The following CRAMP1 variants were observed in gnomAD, a reference collection of about 807,000 sequenced individuals.
CRAMP1 encodes cramped chromatin regulator 1, also known as protein cramped-like.
Under a neutral mutation model 115.4 loss-of-function variants are expected in CRAMP1, and 50 were observed. The observed-to-expected ratio is 0.43, with a 90% CI of 0.35 to 0.55. CRAMP1 has a LOEUF of 0.55. Among genes scored for constraint, CRAMP1 ranks in the 20% least tolerant of loss-of-function variants. The pLI, the probability that CRAMP1 is intolerant of heterozygous loss-of-function variation, is 0.01. For synonymous variants in CRAMP1, 866 were observed against 745.4 expected (o/e 1.16, Z -2.64); for missense variants, 1,679 against 1,721.7 (o/e 0.98, Z 0.44).
In CRAMP1 at chr16:1,655,297, A is replaced by C. The variant is rs776141515; in HGVS notation, c.1116A>C (p.Arg372=). ...LKQKWALHEV[R]VRKTLEERQL... is the part of the protein sequence containing the mutation. Reference sequence around the variant, plus strand: ...AGAAGTGGGCGCTCCATGAGGTGCGAGTTGTATCCTTTTCCAGCTAAAGCA... The same window carrying C: ...AGAAGTGGGCGCTCCATGAGGTGCGCGTTGTATCCTTTTCCAGCTAAAGCA... The change falls in exon 9 of 21, where the codon CGA becomes CGC. Residue 372 remains arginine (R), a synonymous_variant. Transcript: ENST00000397412. The C allele has an allele frequency of 6.2e-7, 1 of 1,613,614 alleles. No individual in the cohort carries two copies. Among genetic ancestry groups the C allele is most frequent in the Non-Finnish European group, 8.5e-7 (1 of 1,179,544 alleles).
At position 1,655,208 on chromosome 16, in the gene CRAMP1, C is replaced by A; in HGVS notation, c.1038-11C>A. ...GCGAACCTCACTTCCTCCTGTCTGT[C>A]GTCTCCGTAGGATGATCGTGGAGCT... On this transcript the variant is annotated splice_polypyrimidine_tract_variant and intron_variant, in intron 8 of 20. Transcript: ENST00000397412. The A allele has an allele frequency of 6.2e-7, 1 of 1,611,326 alleles. No homozygotes were observed. Among genetic ancestry groups the A allele is most frequent in the Non-Finnish European group, 8.5e-7 (1 of 1,177,418 alleles).
At position 1,612,659 on chromosome 16, in the gene CRAMP1, T is replaced by C. The variant is rs1162468575; in HGVS notation, c.-2+2T>C. On this transcript the variant is annotated splice_donor_variant, in intron 1 of 20. Coordinates refer to ENST00000397412, the MANE Select transcript of CRAMP1 (RefSeq NM_020825.4). LOFTEE classifies it low-confidence loss of function (5UTR_SPLICE). ...TGCCGCCCGGCGTTGATGAAAAAGG[T>C]GACCAAGGCTGGGCGGCGGGGCTGT... 2.0e-5 allele frequency among the ~76,000 whole-genome samples: 3 copies of C among 151,302 alleles called. No homozygotes were observed. Among genetic ancestry groups the C allele is most frequent in the African/African-American group, 7.3e-5 (3 of 41,152 alleles).
In CRAMP1 at chr16:1,614,776, A is replaced by C. The variant is rs1326855765; in HGVS notation, c.137A>C (p.Lys46Thr). 1.5e-6 allele frequency: 2 copies of C among 1,355,552 alleles called. No homozygotes were observed. Among genetic ancestry groups the C allele is most frequent in the Non-Finnish European group, 9.6e-7 (1 of 1,043,288 alleles). The allele number at this position is 1,355,552 out of a possible 1,614,324, so 84.0% of individuals were successfully genotyped here. A position where few individuals can be genotyped will look rare whatever the true frequency, so the allele number is the denominator to read the frequency against. Residue 46 changes from lysine to threonine, a missense_variant, in exon 2 of 21, where the codon AAG (lysine) becomes ACG (threonine). This residue lies in a region of CRAMP1 where 264 missense variants were observed against 229.7 expected (regional missense o/e 1.15). Coordinates refer to ENST00000397412, the MANE Select transcript of CRAMP1 (RefSeq NM_020825.4). The surrounding 1 kb of genome is among the most constrained non-coding windows in gnomAD (Gnocchi z 4.4). The stretch of plus-strand genomic sequence containing the variant: ...GCGGCCGAGGAGAGCAGCGGCACAA[A>C]GAGGGACGAGAAGACCCCCCGGGCC... Reference protein sequence around the residue: ...ADAAEESSGTKRDEKTPRAGA... With the variant: ...ADAAEESSGTTRDEKTPRAGA...
chr16:1,673,304 T>TC (rs2036937853), intron 20 of CRAMP1, among the ~76,000 whole-genome samples: 2 of 146,718 alleles, frequency 1.4e-5, no homozygotes, highest in South Asian at 2.2e-4. Context: ...TCCTCATGTC[T>TC]ATGACAGGAA....
intron 19 of CRAMP1, 69 bp from the exon 20 acceptor site, chr16:1,670,595 G>A: frequency 7.0e-6 from 11 of 1,563,266 alleles, no homozygotes; most frequent in Non-Finnish European, 6.1e-6. Flanking sequence ...CCAGCCTCAG[G>A]ACCCTTCCGC....
At position 1,655,282 on chromosome 16, in the gene CRAMP1, G is replaced by C. The variant is rs202224041; in HGVS notation, c.1101G>C (p.Ala367=). 2 of 1,613,878 alleles carry C rather than the reference G, an allele frequency of 1.2e-6. No individual in the cohort carries two copies. Among genetic ancestry groups the C allele is most frequent in the Admixed American group, 3.3e-5 (2 of 60,020 alleles). Residue 367 remains alanine (A), a synonymous_variant, in exon 9 of 21, where the codon GCG becomes GCC. Transcript: ENST00000397412. ...TCGAATTCTTGAAGCAGAAGTGGGC[G>C]CTCCATGAGGTGCGAGTTGTATCCT... ...SLIEFLKQKW[A]LHEVRVRKTL... is the part of the protein sequence containing the mutation.
At position 1,614,808 on chromosome 16, in the gene CRAMP1, G is replaced by T; in HGVS notation, c.169G>T (p.Asp57Tyr). ...RDEKTPRAGA[D>Y]GPPAPPGAPQ... is the part of the protein sequence containing the mutation. The stretch of plus-strand genomic sequence containing the variant: ...CGAGAAGACCCCCCGGGCCGGCGCC[G>T]ACGGCCCCCCCGCGCCCCCCGGCGC... The change falls in exon 2 of 21, where the codon GAC becomes TAC. Residue 57 changes from aspartate (D) to tyrosine (Y), a missense_variant. Around this residue, in one of 8 missense-constraint regions of CRAMP1, gnomAD observed 264 missense variants for 229.7 expected, o/e 1.15. Transcript: ENST00000397412. This position sits in a 1 kb window ranked among gnomAD's most constrained non-coding sequence, Gnocchi z 4.4. The T allele has an allele frequency of 2.3e-6, 3 of 1,282,872 alleles. No homozygotes were observed. The highest frequency in any genetic ancestry group is 2.9e-6 in the Non-Finnish European group (3 of 1,017,690). 79.5% of individuals were successfully genotyped at this position (1,282,872 alleles called of 1,614,324 possible).
chr16:1,641,759 G>A (rs2036634008), intron 6 of CRAMP1, among the ~76,000 whole-genome samples: 1 of 152,174 alleles, frequency 6.6e-6, no homozygotes, highest in Non-Finnish European at 1.5e-5. Flanking sequence ...TCAGGGCAGG[G>A]CCCCGCCACC....
Position 1,668,127 on chromosome 16 carries a change from C to T in CRAMP1, c.3268C>T (p.Gln1090Ter). The T allele has an allele frequency of 6.2e-7, 1 of 1,613,572 alleles. No homozygotes were observed. The highest frequency in any genetic ancestry group is 8.5e-7 in the Non-Finnish European group (1 of 1,179,896). The change falls in exon 18 of 21, where the codon CAG becomes TAG. Residue 1090 changes from glutamine to a stop codon, truncating the protein, a stop_gained. Coordinates refer to ENST00000397412, the MANE Select transcript of CRAMP1 (RefSeq NM_020825.4). LOFTEE classifies it high-confidence loss of function. ...LPGPPEDALSQGEPATHISDS... is the reference protein window; with the variant it reads ...LPGPPEDALS ...CGGCCCACCTGAGGATGCGCTGTCACAGGGCGAGCCTGCCACACACATTAG... is the reference window on the plus strand; with the variant it reads ...CGGCCCACCTGAGGATGCGCTGTCATAGGGCGAGCCTGCCACACACATTAG...
chr16:1,656,403 C>G lies in CRAMP1; in HGVS notation c.1646C>G (p.Pro549Arg), dbSNP rs773410575. ...GALPCACGQL[P>R]DLEDELSLLD... ...TTGCCGTGTGCCTGTGGCCAGCTCC[C>G]AGACCTGGAGGACGAGCTCTCGCTT... Residue 549 changes from proline (P) to arginine (R), a missense_variant, in exon 10 of 21, where the codon CCA (proline) becomes CGA (arginine). By Grantham distance (103) the Pro-to-Arg change is moderately radical (BLOSUM62 -2). Coordinates refer to ENST00000397412, the MANE Select transcript of CRAMP1 (RefSeq NM_020825.4). The surrounding 1 kb of genome is among the most constrained non-coding windows in gnomAD (Gnocchi z 5.6). 6.3e-7 allele frequency: 1 copy of G among 1,592,748 alleles called. No individual in the cohort carries two copies. The highest frequency in any genetic ancestry group is 1.8e-5 in the Admixed American group (1 of 57,018).
In CRAMP1 at chr16:1,656,493, G is replaced by A. The variant is rs573825535; in HGVS notation, c.1736G>A (p.Cys579Tyr). The change falls in exon 10 of 21, where the codon TGT becomes TAT. Residue 579 changes from cysteine to tyrosine, a missense_variant. By Grantham distance (194) the Cys-to-Tyr change is radical. This residue lies in a region of CRAMP1 where 405 missense variants were observed against 302.6 expected (regional missense o/e 1.34). Coordinates refer to ENST00000397412, the MANE Select transcript of CRAMP1 (RefSeq NM_020825.4). This position sits in a 1 kb window ranked among gnomAD's most constrained non-coding sequence, Gnocchi z 5.6. The stretch of plus-strand genomic sequence containing the variant: ...CTCATTGTCCCCGAGCAGTGCCGCT[G>A]TGCGGACACACGGCCTGGGAGCGAG... ...QDLIVPEQCR[C>Y]ADTRPGSEQP... 5.7e-6 allele frequency: 9 copies of A among 1,574,476 alleles called. No homozygotes were observed. The South Asian group carries it at 9.3e-5, about 16-fold the overall frequency.
rs201280516 is a variant in CRAMP1 at position 1,655,999 on chromosome 16, C to G, written c.1242C>G (p.Arg414=). The G allele has an allele frequency of 1.2e-6, 2 of 1,612,890 alleles. No homozygotes were observed. The highest frequency in any genetic ancestry group is 1.7e-4 in the Middle Eastern group (1 of 6,060). The change falls in exon 10 of 21, where the codon CGC becomes CGG. Residue 414 remains arginine (R), a synonymous_variant. Transcript: ENST00000397412. ...CTLTPLPGVA[R]VVHSKAFCTV... ...TGACACCGCTGCCGGGCGTGGCTCG[C>G]GTGGTGCACTCCAAGGCCTTCTGCA...
rs747941119 is a variant in CRAMP1, at chr16:1,659,986, G to A, written c.2336G>A (p.Ser779Asn). The A allele has an allele frequency of 1.2e-6, 2 of 1,606,440 alleles. No homozygotes were observed. Among genetic ancestry groups the A allele is most frequent in the African/African-American group, 2.7e-5 (2 of 74,936 alleles). ...AAGGTGGTGACCGTCAGCTCTCGCAGCCCCCGCTGCCCTCGGAACCAGGCC... is the reference window on the plus strand; with the variant it reads ...AAGGTGGTGACCGTCAGCTCTCGCAACCCCCGCTGCCCTCGGAACCAGGCC... ...PGKVVTVSSR[S>N]PRCPRNQASL... The change falls in exon 11 of 21, where the codon AGC (serine) becomes AAC (asparagine). Residue 779 changes from serine (S) to asparagine (N), a missense_variant. Ser to Asn is a conservative substitution (Grantham distance 46, BLOSUM62 1). Transcript: ENST00000397412.
intron 5 of CRAMP1, among the ~76,000 whole-genome samples, chr16:1,638,403 C>T (rs1290119529): frequency 1.3e-5 from 2 of 152,170 alleles, no homozygotes; most frequent in African/African-American, 4.8e-5. Flanking sequence ...GTGGAGTCTC[C>T]CTTGGGTGTC....
intron 2 of CRAMP1, among the ~76,000 whole-genome samples, chr16:1,624,883 C>T (rs867355573): frequency 1.6e-4 from 24 of 152,068 alleles, no homozygotes; most frequent in Middle Eastern, 6.9e-3. Context: ...CACCTGGCCA[C>T]GCCTGGCTAA....
intron 14 of CRAMP1, 145 bp downstream of exon 14, chr16:1,665,283 A>C: frequency 1.5e-6 from 1 of 673,308 alleles, no homozygotes; most frequent in Non-Finnish European, 2.7e-6. Flanking sequence ...AATGTGCCCT[A>C]TGTGCTGGGC....
At chr16:1,623,610 G>T (rs1470485246) in intron 2 of CRAMP1, among the ~76,000 whole-genome samples, 2 of 152,224 alleles carry the variant, frequency 1.3e-5, no homozygotes, top group Non-Finnish European at 2.9e-5. Context: ...ATAGTTTAGC[G>T]AGTGTTTCTT....
At chr16:1,612,851 G>A (rs1324855863) in intron 1 of CRAMP1, among the ~76,000 whole-genome samples, 194 bp downstream of exon 1, 3 of 152,130 alleles carry the variant, frequency 2.0e-5, no homozygotes, top group Non-Finnish European at 2.9e-5. Context: ...GGCTGGAGGA[G>A]ACTGCGCCTC....
At chr16:1,662,859 C>T (rs776470784) in intron 13 of CRAMP1, 24 bp downstream of exon 13, 3 of 1,596,284 alleles carry the variant, frequency 1.9e-6, no homozygotes, top group Non-Finnish European at 8.6e-7. Flanking sequence ...CAAGTCTGAA[C>T]GTGTGGCCTC....
Sources: gnomAD v4.1 joint callset for allele counts (sites outside exome capture counted in the v4.1 genomes callset) on GRCh38, gnomAD v4.1.1 for gene constraint, gnomAD v4.1.1 regional missense constraint, Gnocchi (gnomAD v3.1) non-coding constraint, MANE v1.5 for transcripts, NCBI Gene and HGNC (gene_info 2026-07-23, HGNC 2026-07-21) for gene names.